Variants in BLK observed in about 807,000 individuals in gnomAD.
BLK encodes BLK proto-oncogene, Src family tyrosine kinase, also known as tyrosine-protein kinase Blk.
In BLK, 64 loss-of-function variants were observed where a neutral mutation model predicts 61.8. The ratio of observed to expected loss-of-function variants is 1.03; its 90% CI spans 0.85 to 1.27. The LOEUF is 1.27. Among genes scored for constraint, BLK ranks in the 50% most tolerant of loss-of-function variants. The probability of loss-of-function intolerance (pLI) is 0.00; values close to 1 mark genes in which losing one functional copy is unlikely to be tolerated. For synonymous variants in BLK, 351 were observed against 272.0 expected, an observed-to-expected ratio of 1.29 and a Z score of -2.86; for missense variants, 853 against 660.5, an observed-to-expected ratio of 1.29 and a Z score of -3.19.
chr8:11,553,229 T>C (rs990674182), intron 6 of BLK: 1 of 203,810 alleles, frequency 4.9e-6, no homozygotes, highest in Non-Finnish European at 1.0e-5. Context: ...CGGGGTGTCC[T>C]TGAGCCTCTC....
At chr8:11,495,885 G>A (rs1417163415) in intron 1 of BLK, among the ~76,000 whole-genome samples, 1 of 152,198 alleles carries the variant, frequency 6.6e-6, no homozygotes, top group African/African-American at 2.4e-5. Flanking sequence ...AGAACCTGGT[G>A]AAGGAAATAT....
chr8:11,543,461 T>G lies in BLK; in HGVS notation c.123+114T>G, dbSNP rs191494398. ...TGCCTTCCTGATAGGGATGTAACGA[T>G]CTGCAATGTATAAGCAGGTGTGCCA... On this transcript the variant is annotated intron_variant, in intron 2 of 12. Coordinates refer to ENST00000259089, the MANE Select transcript of BLK (RefSeq NM_001715.3). 42 of 1,414,940 alleles carry G rather than the reference T, an allele frequency of 3.0e-5. No homozygotes were observed. In the East Asian group the frequency reaches 9.9e-4, roughly 33 times the overall value. 87.6% of individuals were successfully genotyped at this position (1,414,940 alleles called of 1,614,324 possible).
intron 10 of BLK, chr8:11,558,609 T>C (rs1226071704): frequency 2.2e-6 from 1 of 454,472 alleles, no homozygotes; most frequent in Middle Eastern, 4.2e-4. Flanking sequence ...GTGCTGGACC[T>C]CCTTGGCTAC....
chr8:11,546,064 C>T lies in BLK; in HGVS notation c.136C>T (p.His46Tyr). ...TTTTCTACCCAAGGTTGTCTTCAAC[C>T]ACCTTACTCCTCCACCGCCCGATGA... Reference protein sequence around the residue: ...PPLPPLVVFNHLTPPPPDEHL... With the variant: ...PPLPPLVVFNYLTPPPPDEHL... The change falls in exon 3 of 13, where the codon CAC becomes TAC. Residue 46 changes from histidine (H) to tyrosine (Y), a missense_variant. By Grantham distance (83) the His-to-Tyr change is moderately conservative. Transcript: ENST00000259089. The T allele has an allele frequency of 1.2e-6, 2 of 1,614,156 alleles. No individual in the cohort carries two copies. Among genetic ancestry groups the T allele is most frequent in the Non-Finnish European group, 1.7e-6 (2 of 1,180,022 alleles).
intron 1 of BLK, among the ~76,000 whole-genome samples, chr8:11,519,815 C>T (rs1280924219): frequency 6.6e-6 from 1 of 152,170 alleles, no homozygotes; most frequent in Non-Finnish European, 1.5e-5. Flanking sequence ...TTAAACTCTA[C>T]TGTATGCTGA....
intron 1 of BLK, among the ~76,000 whole-genome samples, chr8:11,501,484 G>A (rs1405542247): frequency 6.6e-6 from 1 of 152,120 alleles, no homozygotes; most frequent in Non-Finnish European, 1.5e-5. Context: ...GTCAAGATAG[G>A]CATCTTGTAG....
At chr8:11,556,292 C>A (rs77488676) in intron 8 of BLK, 3,566 of 354,546 alleles carry the variant, frequency 0.01, 34 homozygotes, top group Non-Finnish European at 0.013. Flanking sequence ...GCCCAGTGTA[C>A]CCCAGGCTGT....
intron 6 of BLK, among the ~76,000 whole-genome samples, chr8:11,553,757 C>G (rs1211337522): frequency 6.6e-6 from 1 of 152,130 alleles, no homozygotes; most frequent in Non-Finnish European, 1.5e-5. Context: ...GCGTACGCCT[C>G]TGGGTGTCCT....
intron 3 of BLK, among the ~76,000 whole-genome samples, chr8:11,547,054 G>A (rs1330596457): frequency 3.9e-5 from 6 of 152,222 alleles, no homozygotes; most frequent in Admixed American, 6.5e-5. Flanking sequence ...GGGATGCCTC[G>A]GCCAGCCGGG....
intron 1 of BLK, among the ~76,000 whole-genome samples, chr8:11,523,783 A>G (rs1202132263): frequency 6.6e-6 from 1 of 152,190 alleles, no homozygotes; most frequent in Non-Finnish European, 1.5e-5. Context: ...AATCAATAGA[A>G]AAGTAAATTA....
intron 1 of BLK, 32 bp from the exon 2 acceptor site, chr8:11,543,192 C>T: frequency 6.2e-7 from 1 of 1,613,234 alleles, no homozygotes; most frequent in Non-Finnish European, 8.5e-7. Context: ...CCCGCTCTCT[C>T]ATGTCCTCTG....
chr8:11,518,238 C>T (rs536464689), intron 1 of BLK, among the ~76,000 whole-genome samples: 2 of 152,346 alleles, frequency 1.3e-5, no homozygotes, highest in East Asian at 3.9e-4. Flanking sequence ...AATCAGACCC[C>T]AGCTGAGACG....
At chr8:11,504,144 C>CGA (rs1563420357) in intron 1 of BLK, among the ~76,000 whole-genome samples, 1 of 151,920 alleles carries the variant, frequency 6.6e-6, no homozygotes, top group African/African-American at 2.4e-5. Flanking sequence ...GCCAACATGG[C>CGA]GAAACTGTCT....
intron 11 of BLK, 49 bp downstream of exon 11, chr8:11,561,501 C>T (rs776130008): frequency 1.9e-6 from 3 of 1,599,036 alleles, no homozygotes; most frequent in East Asian, 4.5e-5. Flanking sequence ...TTATCTTTCC[C>T]AGCTCCTCAA....
chr8:11,555,480 G>C lies in BLK; in HGVS notation c.768G>C (p.Trp256Cys). 6.2e-7 allele frequency: 1 copy of C among 1,614,170 alleles called. No homozygotes were observed. ...GGTCTGGACAATTCGGCGAAGTCTG[G>C]ATGGGTGAGTGTGTGCACACGTGGG... ...KLGSGQFGEVWMGYYKNNMKV... is the reference protein window; with the variant it reads ...KLGSGQFGEVCMGYYKNNMKV... The change falls in exon 8 of 13, where the codon TGG becomes TGC. Residue 256 changes from tryptophan (W) to cysteine (C), a missense_variant. By Grantham distance (215) the Trp-to-Cys change is radical. Transcript: ENST00000259089.
rs181547968 is a variant in BLK at position 11,523,727 on chromosome 8, C to G, written c.-1-19497C>G. On this transcript the variant is annotated intron_variant, in intron 1 of 12. Coordinates refer to ENST00000259089, the MANE Select transcript of BLK (RefSeq NM_001715.3). ...AAAAGTGGTAGAAGACGTGGATGAT[C>G]AAATCATAATAAGAGAAACACAAGT... is the stretch of plus-strand genomic sequence containing the variant. Among the ~76,000 whole-genome samples, 421 of 151,818 alleles carry G rather than the reference C, an allele frequency of 2.8e-3. 4 individuals are homozygous for G. The highest frequency in any genetic ancestry group is 9.6e-3 in the African/African-American group (399 of 41,394).
chr8:11,539,493 A>C (rs1800278597), intron 1 of BLK, among the ~76,000 whole-genome samples: 1 of 152,098 alleles, frequency 6.6e-6, no homozygotes, highest in African/African-American at 2.4e-5. Context: ...TACAACAAAC[A>C]TTTTCATCTC....
At chr8:11,556,235 A>G in intron 8 of BLK, 1 of 303,748 alleles carries the variant, frequency 3.3e-6, no homozygotes, top group Non-Finnish European at 6.4e-6. Context: ...CAGGATCGCC[A>G]TGGGGCTTCA....
chr8:11,505,153 AACC>A (rs761570020), intron 1 of BLK, among the ~76,000 whole-genome samples: 2 of 152,298 alleles, frequency 1.3e-5, no homozygotes, highest in East Asian at 3.9e-4. Flanking sequence ...ACAACAGCAA[AACC>A]ACCTACCATG....
Sources: gnomAD v4.1 joint callset for allele counts (sites outside exome capture counted in the v4.1 genomes callset) on GRCh38, gnomAD v4.1.1 for gene constraint, MANE v1.5 for transcripts, NCBI Gene and HGNC (gene_info 2026-07-23, HGNC 2026-07-21) for gene names.